Variants in FER1L6 observed in about 807,000 individuals in gnomAD.
FER1L6 encodes fer-1-like protein 6.
Under a neutral mutation model 219.2 loss-of-function variants are expected in FER1L6, and 177 were observed. The ratio of observed to expected loss-of-function variants is 0.81; its 90% CI spans 0.71 to 0.91. The LOEUF is 0.91. Ranked by LOEUF, FER1L6 falls within the 40% of genes least tolerant of loss-of-function variation. The pLI is 0.00. For missense variants in FER1L6, 2,153 were observed against 2,259.9 expected, an observed-to-expected ratio of 0.95 and a Z score of 0.96; for synonymous variants, 768 against 824.3, an observed-to-expected ratio of 0.93 and a Z score of 1.17.
At position 123,871,529 on chromosome 8, in the gene FER1L6, T is replaced by C. The variant is rs2130277525; in HGVS notation, c.-8+19344T>C. On this transcript the variant is annotated intron_variant, in intron 1 of 40. Coordinates refer to ENST00000522917, the MANE Select transcript of FER1L6 (RefSeq NM_001039112.2). ...GGATGAAAGATCCAATTGAAAGAGG[T>C]TCGCATGACCAAGGTTGGAATAAAG... is the stretch of plus-strand genomic sequence containing the variant. Among the ~76,000 whole-genome samples the C allele has an allele frequency of 1.3e-5, 2 of 152,098 alleles. 1 individual carries two copies. The highest frequency in any genetic ancestry group is 4.8e-5 in the African/African-American group (2 of 41,464).
intron 20 of FER1L6, among the ~76,000 whole-genome samples, chr8:124,042,653 C>T (rs1394520208): frequency 6.6e-6 from 1 of 152,148 alleles, no homozygotes; most frequent in Non-Finnish European, 1.5e-5. Flanking sequence ...GGTGACATGC[C>T]CCCTTTATGT....
intron 33 of FER1L6, among the ~76,000 whole-genome samples, chr8:124,090,911 G>A (rs1473774328): frequency 6.6e-6 from 1 of 152,120 alleles, no homozygotes; most frequent in Non-Finnish European, 1.5e-5. Flanking sequence ...GCAGCCGAGT[G>A]GCTGTTCTCC....
chr8:123,858,051 G>A (rs1209159555), intron 1 of FER1L6, among the ~76,000 whole-genome samples: 2 of 152,106 alleles, frequency 1.3e-5, no homozygotes, highest in Non-Finnish European at 2.9e-5. Context: ...CAGGGACTGG[G>A]GGTCATCCCT....
At chr8:123,866,040 G>T (rs1277542025) in intron 1 of FER1L6, among the ~76,000 whole-genome samples, 4 of 151,672 alleles carry the variant, frequency 2.6e-5, no homozygotes, top group African/African-American at 9.8e-5. Flanking sequence ...ATCACTGTTG[G>T]ACATTTGGGT....
At chr8:124,071,076 C>G (rs1446431005) in intron 30 of FER1L6, among the ~76,000 whole-genome samples, 2 of 152,188 alleles carry the variant, frequency 1.3e-5, no homozygotes, top group East Asian at 1.9e-4. Flanking sequence ...GTTTGCCCAT[C>G]TGGATTCAAA....
At chr8:124,026,232 T>C (rs924946662) in intron 18 of FER1L6, among the ~76,000 whole-genome samples, 2 of 152,196 alleles carry the variant, frequency 1.3e-5, no homozygotes, top group African/African-American at 4.8e-5. Context: ...GAAAAATGTG[T>C]CCAAAGCCTT....
At chr8:124,057,995 T>C (rs1308120882) in intron 22 of FER1L6, among the ~76,000 whole-genome samples, 1 of 152,212 alleles carries the variant, frequency 6.6e-6, no homozygotes, top group Non-Finnish European at 1.5e-5. Flanking sequence ...TTAATCACAT[T>C]GTCTTATCTC....
In FER1L6 at chr8:123,970,961, G is replaced by C. The variant is rs1025094021; in HGVS notation, c.447+864G>C. On this transcript the variant is annotated intron_variant, in intron 6 of 40. Transcript: ENST00000522917. ...CACAGCTTCTCCCAAGGTGGTGAAGGATGGCTGGAGAGTAAGTTTCTCTCT... is the reference window on the plus strand; with the variant it reads ...CACAGCTTCTCCCAAGGTGGTGAAGCATGGCTGGAGAGTAAGTTTCTCTCT... Among the ~76,000 whole-genome samples, 15 of 152,324 alleles carry C rather than the reference G, an allele frequency of 9.8e-5. 1 individual carries two copies. The highest frequency in any genetic ancestry group is 8.5e-4 in the Admixed American group (13 of 15,288).
chr8:123,931,734 A>C (rs1221327932), intron 1 of FER1L6, among the ~76,000 whole-genome samples: 1 of 152,222 alleles, frequency 6.6e-6, no homozygotes, highest in Non-Finnish European at 1.5e-5. Context: ...GCTATCAAAT[A>C]TTGTTGCCTG....
chr8:123,862,992 A>T (rs201212625), intron 1 of FER1L6, among the ~76,000 whole-genome samples: 12,429 of 119,638 alleles, frequency 0.1, 945 homozygotes, highest in African/African-American at 0.22. Flanking sequence ...AGTTCTGCTC[A>T]GATTTTAGTT....
rs547373678 is a variant in FER1L6 at position 123,947,487 on chromosome 8, C to T, written c.-7-8505C>T. On this transcript the variant is annotated intron_variant, in intron 1 of 40. Coordinates refer to ENST00000522917, the MANE Select transcript of FER1L6 (RefSeq NM_001039112.2). ...TTCTCATTCTTGGAATGATGTTTAA[C>T]TCTTTTCTTGTTATATGATTCATTT... Among the ~76,000 whole-genome samples, 3 of 152,222 alleles carry T rather than the reference C, an allele frequency of 2.0e-5. No homozygotes were observed. In the East Asian group the frequency reaches 5.8e-4, roughly 29 times the overall value.
At position 124,010,685 on chromosome 8, in the gene FER1L6, A is replaced by G; in HGVS notation, c.1792A>G (p.Asn598Asp). ...CCAGACCTTCAGGCTGCACTGGTCCAACATGCTGGAGAAAATGGCAGACTT... is the reference window on the plus strand; with the variant it reads ...CCAGACCTTCAGGCTGCACTGGTCCGACATGCTGGAGAAAATGGCAGACTT... ...GDQTFRLHWS[N>D]MLEKMADFLE... is the part of the protein sequence containing the mutation. The change falls in exon 14 of 41, where the codon AAC becomes GAC. Residue 598 changes from asparagine to aspartate, a missense_variant. By Grantham distance (23) the Asn-to-Asp change is conservative. Coordinates refer to ENST00000522917, the MANE Select transcript of FER1L6 (RefSeq NM_001039112.2). 6.2e-7 allele frequency: 1 copy of G among 1,613,862 alleles called. No individual in the cohort carries two copies. The highest frequency in any genetic ancestry group is 1.1e-5 in the South Asian group (1 of 90,984).
rs564916180 is a variant in FER1L6 at position 123,939,305 on chromosome 8, G to A, written c.-7-16687G>A. Reference sequence around the variant, plus strand: ...TATTGTTAAGTCTAAGAAGTCCTAGGAGACCAGGTTTACCCCAGTGTTTTC... The same window carrying A: ...TATTGTTAAGTCTAAGAAGTCCTAGAAGACCAGGTTTACCCCAGTGTTTTC... On this transcript the variant is annotated intron_variant, in intron 1 of 40. Coordinates refer to ENST00000522917, the MANE Select transcript of FER1L6 (RefSeq NM_001039112.2). 8 of 592,236 alleles carry A rather than the reference G, an allele frequency of 1.4e-5. No homozygotes were observed. In the East Asian group the frequency reaches 1.1e-3, roughly 83 times the overall value. The allele number at this position is 592,236 out of a possible 1,614,324, so 36.7% of individuals were successfully genotyped here. A position where few individuals can be genotyped will look rare whatever the true frequency, so the allele number is the denominator to read the frequency against.
intron 3 of FER1L6, among the ~76,000 whole-genome samples, chr8:123,965,213 A>G (rs561592639): frequency 1.1e-4 from 16 of 152,348 alleles, no homozygotes; most frequent in African/African-American, 3.8e-4. Flanking sequence ...GTCTGACTCC[A>G]ATGCCCAGAG....
At chr8:123,959,579 A>G (rs902966275) in intron 2 of FER1L6, among the ~76,000 whole-genome samples, 4 of 152,246 alleles carry the variant, frequency 2.6e-5, no homozygotes, top group African/African-American at 9.6e-5. Context: ...GGCCTGGCCT[A>G]GGTGCATGAG....
chr8:124,023,395 C>T, intron 17 of FER1L6, 49 bp from the exon 18 acceptor site: 1 of 1,580,326 alleles, frequency 6.3e-7, no homozygotes, highest in Non-Finnish European at 8.7e-7. Flanking sequence ...TCAATGCCAA[C>T]CTTTCAAATC....
At chr8:123,907,814 C>A (rs1038172466) in intron 1 of FER1L6, among the ~76,000 whole-genome samples, 4 of 151,326 alleles carry the variant, frequency 2.6e-5, no homozygotes, top group African/African-American at 9.7e-5. Flanking sequence ...AAACAATGGG[C>A]AGAGAAATAA....
At chr8:124,062,118 G>A in intron 25 of FER1L6, 86 bp downstream of exon 25, 1 of 1,432,396 alleles carries the variant, frequency 7.0e-7, no homozygotes, top group Non-Finnish European at 9.7e-7. Flanking sequence ...GCTCAAAGAG[G>A]ATGCCCCACA....
Position 123,976,082 on chromosome 8 carries a change from A to G in FER1L6, c.868A>G (p.Met290Val), listed in dbSNP as rs371638827. Residue 290 changes from methionine (M) to valine (V), a missense_variant and splice_region_variant, in exon 9 of 41, where the codon ATG (methionine) becomes GTG (valine). Transcript: ENST00000522917. The part of the protein sequence containing the change: ...PFVEVSFAGQ[M>V]GRTTVQKNCA... ...TGTGGAGGTCTCCTTTGCTGGGCAG[A>G]TGGTGAGGAACCATTGTCACTAACA... The G allele has an allele frequency of 4.2e-5, 67 of 1,609,536 alleles. No homozygotes were observed. Among genetic ancestry groups the G allele is most frequent in the Non-Finnish European group, 5.0e-5 (59 of 1,177,704 alleles).
Sources: allele counts gnomAD v4.1 joint callset (sites outside exome capture counted in the v4.1 genomes callset), GRCh38; gene constraint gnomAD v4.1.1; transcripts MANE v1.5; gene names NCBI Gene and HGNC (gene_info 2026-07-23, HGNC 2026-07-21).